GALNT10: variants seen among roughly 807,000 people sequenced by gnomAD.
GALNT10 encodes polypeptide N-acetylgalactosaminyltransferase 10, also known as GalNAc transferase 10.
GALNT10 carries 41 observed loss-of-function variants against 75.0 expected under a neutral mutation model. The observed-to-expected ratio is 0.55, with a 90% CI of 0.43 to 0.71. The LOEUF (loss-of-function observed/expected upper bound fraction) is 0.71. GALNT10 is among the 30% of genes least tolerant of loss of function. The pLI, the probability that GALNT10 is intolerant of heterozygous loss-of-function variation, is 0.00. For missense variants in GALNT10, 727 were observed against 818.5 expected, an observed-to-expected ratio of 0.89 and a Z score of 1.36; for synonymous variants, 302 against 313.0, an observed-to-expected ratio of 0.96 and a Z score of 0.37.
At chr5:154,342,404 C>A (rs1443870899) in intron 4 of GALNT10, among the ~76,000 whole-genome samples, 1 of 152,202 alleles carries the variant, frequency 6.6e-6, no homozygotes, top group Non-Finnish European at 1.5e-5. Flanking sequence ...TAACTCTTAT[C>A]CTTATCAGCA....
Position 154,329,614 on chromosome 5 carries a change from C to A in GALNT10, c.444C>A (p.Ser148Arg). 1 of 1,613,852 alleles carries A rather than the reference C, an allele frequency of 6.2e-7. No homozygotes were observed. Reference sequence around the variant, plus strand: ...ACCTGGAGACACTTCCCAACACAAGCATCATCATCCCCTTCCACAACGAGG... The same window carrying A: ...ACCTGGAGACACTTCCCAACACAAGAATCATCATCCCCTTCCACAACGAGG... ...KRYLETLPNTSIIIPFHNEGW... is the reference protein window; with the variant it reads ...KRYLETLPNTRIIIPFHNEGW... Residue 148 changes from serine (S) to arginine (R), a missense_variant, in exon 4 of 12, where the codon AGC becomes AGA. By Grantham distance (110) the Ser-to-Arg change is moderately radical (BLOSUM62 -1). Transcript: ENST00000297107.
intron 4 of GALNT10, among the ~76,000 whole-genome samples, chr5:154,348,586 A>T (rs1222948244): frequency 1.3e-5 from 2 of 152,188 alleles, no homozygotes; most frequent in Non-Finnish European, 2.9e-5. Context: ...TCCATTAGTG[A>T]CTTTTCTAGG....
chr5:154,363,233 G>T (rs1443111049), intron 4 of GALNT10, among the ~76,000 whole-genome samples: 1 of 151,920 alleles, frequency 6.6e-6, no homozygotes. Context: ...ATCTCTGGTG[G>T]GTGTGACTAG....
chr5:154,316,996 C>A (rs1187577733), intron 3 of GALNT10, among the ~76,000 whole-genome samples: 1 of 152,192 alleles, frequency 6.6e-6, no homozygotes, highest in Non-Finnish European at 1.5e-5. Context: ...TTATCCCTCC[C>A]CATGGCTGTT....
chr5:154,221,124 A>G (rs1029472533), intron 1 of GALNT10, among the ~76,000 whole-genome samples: 2 of 152,160 alleles, frequency 1.3e-5, no homozygotes, highest in South Asian at 4.1e-4. Context: ...TATTCAACAG[A>G]TGGGCAAGTC....
chr5:154,323,303 T>C (rs1754704240), intron 3 of GALNT10, among the ~76,000 whole-genome samples: 1 of 152,016 alleles, frequency 6.6e-6, no homozygotes, highest in African/African-American at 2.4e-5. Context: ...ATCCAGGAGT[T>C]TGAAACTGCA....
chr5:154,384,843 T>A (rs1019666206), intron 6 of GALNT10, among the ~76,000 whole-genome samples: 2 of 152,228 alleles, frequency 1.3e-5, no homozygotes, highest in East Asian at 1.9e-4. Flanking sequence ...AAGTTCCCTG[T>A]CTGCACTCCA....
intron 4 of GALNT10, among the ~76,000 whole-genome samples, chr5:154,334,277 C>T (rs1234446336): frequency 1.3e-5 from 2 of 152,242 alleles, no homozygotes; most frequent in African/African-American, 2.4e-5. Flanking sequence ...ATCAAGGACT[C>T]GAGTGGAAGC....
chr5:154,328,084 A>AC (rs1754783579), intron 3 of GALNT10, among the ~76,000 whole-genome samples: 1 of 19,782 alleles, frequency 5.1e-5, no homozygotes, highest in African/African-American at 1.0e-4. Flanking sequence ...ATCGAAGGGG[A>AC]AAAAAAAAAA....
chr5:154,296,753 T>C (rs893976092), intron 2 of GALNT10, among the ~76,000 whole-genome samples: 12 of 152,230 alleles, frequency 7.9e-5, no homozygotes, highest in African/African-American at 2.9e-4. Context: ...ATTGGTCTCC[T>C]GTACTGCCCT....
chr5:154,327,642 T>G (rs1382609344), intron 3 of GALNT10, among the ~76,000 whole-genome samples: 1 of 152,236 alleles, frequency 6.6e-6, no homozygotes, highest in African/African-American at 2.4e-5. Flanking sequence ...AACCAGCTCA[T>G]TCTAAAGACT....
At chr5:154,359,794 G>A (rs940157912) in intron 4 of GALNT10, among the ~76,000 whole-genome samples, 24 of 150,788 alleles carry the variant, frequency 1.6e-4, no homozygotes, top group African/African-American at 5.9e-4. Context: ...ATTATATCAA[G>A]TATGCCATTT....
At chr5:154,366,458 AAAAG>A (rs1483562234) in intron 4 of GALNT10, among the ~76,000 whole-genome samples, 1 of 152,208 alleles carries the variant, frequency 6.6e-6, no homozygotes, top group East Asian at 1.9e-4. Context: ...TTAAAAAAGA[AAAAG>A]AAAACCCCTG....
At chr5:154,304,645 C>T (rs62379871) in intron 3 of GALNT10, among the ~76,000 whole-genome samples, 9,325 of 152,142 alleles carry the variant, frequency 0.061, 363 homozygotes, top group Middle Eastern at 0.1. Context: ...GAAATAGTAG[C>T]TTTGTGGGTA....
rs766509677 is a variant in GALNT10 at position 154,415,906 on chromosome 5, G to A, written c.1627G>A (p.Gly543Ser). 12 of 1,613,988 alleles carry A rather than the reference G, an allele frequency of 7.4e-6. No homozygotes were observed. Among genetic ancestry groups the A allele is most frequent in the Admixed American group, 3.3e-5 (2 of 59,988 alleles). The change falls in exon 11 of 12, where the codon GGC (glycine) becomes AGC (serine). Residue 543 changes from glycine to serine, a missense_variant. By Grantham distance (56) the Gly-to-Ser change is moderately conservative. Transcript: ENST00000297107. ...VTLYDCHSMK[G>S]NQLWKYRKDK... ...GCTGTACGACTGCCACAGCATGAAGGGCAACCAGCTGTGGAAATACCGCAA... is the reference window on the plus strand; with the variant it reads ...GCTGTACGACTGCCACAGCATGAAGAGCAACCAGCTGTGGAAATACCGCAA...
rs1394938732 is a variant in GALNT10 at position 154,412,912 on chromosome 5, G to A, written c.1410G>A (p.Leu470=). The change falls in exon 10 of 12, where the codon CTG becomes CTA. Residue 470 remains leucine, a synonymous_variant. Coordinates refer to ENST00000297107, the MANE Select transcript of GALNT10 (RefSeq NM_198321.4). This position sits in a 1 kb window ranked among gnomAD's most constrained non-coding sequence, Gnocchi z 4.2. ...AGATCCGAAATGTGGGCACAGGGCT[G>A]TGTGCAGACACAAAGCACGGGGCCT... ...WGEIRNVGTG[L]CADTKHGALG... is the part of the protein sequence containing the mutation. The A allele has an allele frequency of 1.9e-6, 3 of 1,612,280 alleles. No homozygotes were observed. The highest frequency in any genetic ancestry group is 2.2e-5 in the East Asian group (1 of 44,874).
chr5:154,315,574 T>C (rs928472517), intron 3 of GALNT10, among the ~76,000 whole-genome samples: 3 of 152,210 alleles, frequency 2.0e-5, no homozygotes, highest in Non-Finnish European at 4.4e-5. Context: ...GAAAGAGAAT[T>C]TGATTGGTCT....
chr5:154,237,181 G>A (rs1753261005), intron 1 of GALNT10, among the ~76,000 whole-genome samples: 1 of 152,092 alleles, frequency 6.6e-6, no homozygotes. Context: ...CTGGCAAGAG[G>A]CAGGACATTG....
At chr5:154,353,184 T>G (rs1581988357) in intron 4 of GALNT10, among the ~76,000 whole-genome samples, 2 of 152,192 alleles carry the variant, frequency 1.3e-5, no homozygotes, top group East Asian at 1.9e-4. Context: ...GATTATGGCT[T>G]TCATCTCTGA....
Sources: gnomAD v4.1 joint callset for allele counts (sites outside exome capture counted in the v4.1 genomes callset) on GRCh38, gnomAD v4.1.1 for gene constraint, Gnocchi (gnomAD v3.1) non-coding constraint, MANE v1.5 for transcripts, NCBI Gene and HGNC (gene_info 2026-07-23, HGNC 2026-07-21) for gene names.